Variants in DUSP22 observed in about 807,000 individuals in gnomAD.
The protein encoded by DUSP22 is dual specificity protein phosphatase 22.
In DUSP22, 24 loss-of-function variants were observed where a neutral mutation model predicts 24.5. That is an observed-to-expected ratio of 0.98 (90% CI 0.71 to 1.38). The LOEUF (loss-of-function observed/expected upper bound fraction) is 1.38. Among genes scored for constraint, DUSP22 ranks in the 40% most tolerant of loss-of-function variants. DUSP22 has a pLI of 0.00. For synonymous variants in DUSP22, 160 were observed against 106.4 expected (o/e 1.50, Z -3.10); for missense variants, 330 against 269.2 (o/e 1.23, Z -1.58).
chr6:299,712 T>G (rs1757496682), intron 1 of DUSP22, among the ~76,000 whole-genome samples: 1 of 152,300 alleles, frequency 6.6e-6, no homozygotes, highest in Non-Finnish European at 1.5e-5. Context: ...CATCTTCAAT[T>G]CCTTTTAAGA....
chr6:338,446 G>A (rs1247195562), intron 4 of DUSP22, among the ~76,000 whole-genome samples: 2 of 152,304 alleles, frequency 1.3e-5, no homozygotes, highest in Non-Finnish European at 2.9e-5. Context: ...ACCTCTCTCG[G>A]GGTATTTATT....
intron 5 of DUSP22, among the ~76,000 whole-genome samples, chr6:347,326 C>G (rs1462094730): frequency 6.6e-6 from 1 of 152,310 alleles, no homozygotes; most frequent in Non-Finnish European, 1.5e-5. Flanking sequence ...GGAATTAATA[C>G]TTCATACAGT....
At chr6:316,446 T>C (rs1758339566) in intron 3 of DUSP22, among the ~76,000 whole-genome samples, 1 of 152,312 alleles carries the variant, frequency 6.6e-6, no homozygotes, top group Admixed American at 6.5e-5. Flanking sequence ...GAGTTGCCCC[T>C]GTGTGCTGAA....
At chr6:309,186 G>A (rs1192687608) in intron 2 of DUSP22, among the ~76,000 whole-genome samples, 1 of 152,296 alleles carries the variant, frequency 6.6e-6, no homozygotes, top group African/African-American at 2.4e-5. Flanking sequence ...GTGCTATGTA[G>A]ATGGCTCTCA....
At chr6:297,287 T>C (rs1303875513) in intron 1 of DUSP22, among the ~76,000 whole-genome samples, 8 of 152,296 alleles carry the variant, frequency 5.3e-5, no homozygotes, top group African/African-American at 1.9e-4. Context: ...AATTGGGTTA[T>C]TGGGAGAAGC....
At chr6:321,876 C>G (rs1448310814) in intron 3 of DUSP22, among the ~76,000 whole-genome samples, 1 of 152,302 alleles carries the variant, frequency 6.6e-6, no homozygotes, top group East Asian at 1.9e-4. Context: ...GTACCCATGG[C>G]TCTGCCATCC....
chr6:309,971 T>C (rs1301572647), intron 2 of DUSP22, among the ~76,000 whole-genome samples: 3 of 152,294 alleles, frequency 2.0e-5, no homozygotes, highest in Non-Finnish European at 4.4e-5. Context: ...TTTTGTTTTG[T>C]TTTGCTTGAG....
chr6:309,874 A>G (rs1757993163), intron 2 of DUSP22, among the ~76,000 whole-genome samples: 1 of 152,294 alleles, frequency 6.6e-6, no homozygotes, highest in East Asian at 1.9e-4. Flanking sequence ...TTTACATTAT[A>G]CCCTGAGCAT....
intron 4 of DUSP22, among the ~76,000 whole-genome samples, chr6:336,616 G>A (rs1452815970): frequency 6.6e-6 from 1 of 152,310 alleles, no homozygotes; most frequent in Non-Finnish European, 1.5e-5. Flanking sequence ...TAGATCAGGA[G>A]GGGAACGGGA....
At chr6:329,486 G>T (rs779301805) in intron 3 of DUSP22, among the ~76,000 whole-genome samples, 10 of 152,290 alleles carry the variant, frequency 6.6e-5, no homozygotes, top group African/African-American at 2.2e-4. Context: ...ACAGAGTCTC[G>T]CTATATCCCA....
rs2127424212 is a variant in DUSP22, at chr6:348,828, C to T, written c.495C>T (p.Ala165=). 2.5e-6 allele frequency: 4 copies of T among 1,614,312 alleles called. No individual in the cohort carries two copies. Among genetic ancestry groups the T allele is most frequent in the Non-Finnish European group, 3.4e-6 (4 of 1,180,056 alleles). The stretch of plus-strand genomic sequence containing the variant: ...GCCCTTTGCAGGATGCAGAAGAAGC[C>T]AAAAACATTCTGGGTAAATATAAGG... ...GESPLQDAEE[A]KNILGKYKEQ... is the part of the protein sequence containing the mutation. The change falls in exon 7 of 7, where the codon GCC becomes GCT. Residue 165 remains alanine, a synonymous_variant. Coordinates refer to ENST00000419235, the MANE Select transcript of DUSP22 (RefSeq NM_001286555.3).
chr6:302,541 C>G (rs1757633436), intron 1 of DUSP22, among the ~76,000 whole-genome samples: 1 of 152,300 alleles, frequency 6.6e-6, no homozygotes, highest in Non-Finnish European at 1.5e-5. Flanking sequence ...CAGGTCACCT[C>G]CACTTTCCCT....
intron 1 of DUSP22, among the ~76,000 whole-genome samples, chr6:301,675 G>A (rs1757587918): frequency 6.6e-6 from 1 of 152,416 alleles, no homozygotes; most frequent in South Asian, 2.1e-4. Context: ...CGGGAGGAGG[G>A]GAGCAGAGAA....
intron 3 of DUSP22, among the ~76,000 whole-genome samples, chr6:313,525 C>T (rs6920491): frequency 0.016 from 2,395 of 151,454 alleles, no homozygotes; most frequent in African/African-American, 0.057. Flanking sequence ...ACACACTACA[C>T]ATTCTTTTTA....
At chr6:348,378 G>A (rs1022840219) in intron 6 of DUSP22, 104 bp downstream of exon 6, 9 of 1,542,850 alleles carry the variant, frequency 5.8e-6, no homozygotes, top group South Asian at 1.2e-5. Flanking sequence ...GAGTTGAAAG[G>A]CCCACAGAGG....
intron 3 of DUSP22, among the ~76,000 whole-genome samples, chr6:333,569 G>A (rs1439568909): frequency 1.3e-5 from 2 of 152,304 alleles, no homozygotes; most frequent in African/African-American, 4.8e-5. Flanking sequence ...AACAGATCCT[G>A]CTCTGACTCA....
At chr6:295,451 C>A (rs1414808405) in intron 1 of DUSP22, among the ~76,000 whole-genome samples, 1 of 152,254 alleles carries the variant, frequency 6.6e-6, no homozygotes, top group African/African-American at 2.4e-5. Context: ...GGGAAAAAGG[C>A]TTTTATATTC....
At chr6:328,543 C>G (rs1477669056) in intron 3 of DUSP22, among the ~76,000 whole-genome samples, 1 of 152,302 alleles carries the variant, frequency 6.6e-6, no homozygotes. Flanking sequence ...CAGTATCAAA[C>G]CAGAGGCTAA....
chr6:318,364 T>C (rs1250090733), intron 3 of DUSP22, among the ~76,000 whole-genome samples: 1 of 152,308 alleles, frequency 6.6e-6, no homozygotes, highest in Non-Finnish European at 1.5e-5. Context: ...CTTATCCTCA[T>C]TAGGAAAAGC....
Sources: allele counts gnomAD v4.1 joint callset (sites outside exome capture counted in the v4.1 genomes callset), GRCh38; gene constraint gnomAD v4.1.1; transcripts MANE v1.5; gene names NCBI Gene and HGNC (gene_info 2026-07-23, HGNC 2026-07-21).